Variants in FOXO1 observed in about 807,000 individuals in gnomAD.
FOXO1 encodes forkhead box protein O1.
A neutral mutation model predicts 44.1 loss-of-function variants in FOXO1; 6 were observed. That is an observed-to-expected ratio of 0.14 (90% CI 0.07 to 0.27). The LOEUF is 0.27. FOXO1 is among the 10% of genes least tolerant of loss of function. FOXO1 has a pLI of 1.00. For synonymous variants in FOXO1, 380 were observed against 362.7 expected, an observed-to-expected ratio of 1.05 and a Z score of -0.54; for missense variants, 737 against 888.8, an observed-to-expected ratio of 0.83 and a Z score of 2.17.
At chr13:40,627,848 A>G (rs1194525409) in intron 1 of FOXO1, among the ~76,000 whole-genome samples, 1 of 151,036 alleles carries the variant, frequency 6.6e-6, no homozygotes, top group Admixed American at 6.6e-5. Flanking sequence ...AAAAAAAAAC[A>G]AACAAACAAC....
chr13:40,646,322 C>T (rs1317031515), intron 1 of FOXO1, among the ~76,000 whole-genome samples: 1 of 140,056 alleles, frequency 7.1e-6, no homozygotes, highest in East Asian at 2.1e-4. Flanking sequence ...GATGGAGTCT[C>T]GCTCTGTCAT....
intron 1 of FOXO1, among the ~76,000 whole-genome samples, chr13:40,620,711 A>ATT (rs933554270): frequency 6.6e-5 from 10 of 152,112 alleles, no homozygotes; most frequent in African/African-American, 2.4e-4. Flanking sequence ...ACCCAGCCTC[A>ATT]TACCTGAAAC....
chr13:40,578,858 A>G (rs1042368307), intron 1 of FOXO1, among the ~76,000 whole-genome samples: 6 of 152,220 alleles, frequency 3.9e-5, no homozygotes, highest in African/African-American at 1.4e-4. Flanking sequence ...GATCACATGC[A>G]TGCACATGCA....
At chr13:40,616,126 C>G (rs932772079) in intron 1 of FOXO1, among the ~76,000 whole-genome samples, 1 of 152,064 alleles carries the variant, frequency 6.6e-6, no homozygotes, top group Non-Finnish European at 1.5e-5. Flanking sequence ...GCTGATAAAC[C>G]GGATGTGGGA....
At chr13:40,644,520 C>T (rs1877452851) in intron 1 of FOXO1, among the ~76,000 whole-genome samples, 1 of 152,118 alleles carries the variant, frequency 6.6e-6, no homozygotes, top group Non-Finnish European at 1.5e-5. Context: ...GAAAAAAAAT[C>T]ACAATGTTAA....
At chr13:40,577,904 T>C (rs533614656) in intron 1 of FOXO1, among the ~76,000 whole-genome samples, 1 of 152,286 alleles carries the variant, frequency 6.6e-6, no homozygotes, top group Admixed American at 6.5e-5. Context: ...CAGATATCAA[T>C]GCAAAATAAT....
intron 1 of FOXO1, among the ~76,000 whole-genome samples, chr13:40,638,738 C>T (rs1877245754): frequency 6.6e-6 from 1 of 152,102 alleles, no homozygotes; most frequent in South Asian, 2.1e-4. Flanking sequence ...TAGGAAAATA[C>T]ATGCCCACTC....
At chr13:40,662,893 C>T (rs1878081850) in intron 1 of FOXO1, among the ~76,000 whole-genome samples, 1 of 152,070 alleles carries the variant, frequency 6.6e-6, no homozygotes, top group Non-Finnish European at 1.5e-5. Context: ...ACTCTTAGAA[C>T]AGGAGTCTTT....
At position 40,571,125 on chromosome 13, in the gene FOXO1, T is replaced by C. The variant is rs546739417; in HGVS notation, c.631-10265A>G. ...GCTAATAAGGTCCCTGTGGTGGATA[T>C]CCAGAGACTAAATTTCATCTAGCTA... On this transcript the variant is annotated intron_variant, in intron 1 of 2. Coordinates refer to ENST00000379561, the MANE Select transcript of FOXO1 (RefSeq NM_002015.4). 2.0e-5 allele frequency among the ~76,000 whole-genome samples: 3 copies of C among 151,664 alleles called. No individual in the cohort carries two copies. In the South Asian group the frequency reaches 6.2e-4, roughly 32 times the overall value.
intron 1 of FOXO1, among the ~76,000 whole-genome samples, chr13:40,656,532 A>T (rs1877865028): frequency 6.6e-6 from 1 of 152,254 alleles, no homozygotes; most frequent in South Asian, 2.1e-4. Flanking sequence ...ATTCACATTA[A>T]GTCAATTACA....
At chr13:40,600,504 T>A (rs1161644316) in intron 1 of FOXO1, among the ~76,000 whole-genome samples, 1 of 152,034 alleles carries the variant, frequency 6.6e-6, no homozygotes, top group African/African-American at 2.4e-5. Flanking sequence ...CAATTAGGCA[T>A]CCAAAATTTA....
intron 1 of FOXO1, among the ~76,000 whole-genome samples, chr13:40,595,558 A>C (rs979049814): frequency 6.6e-6 from 1 of 152,222 alleles, no homozygotes; most frequent in African/African-American, 2.4e-5. Flanking sequence ...TAATGATCAA[A>C]TCAGGGTAAA....
chr13:40,603,502 C>T (rs1875887960), intron 1 of FOXO1, among the ~76,000 whole-genome samples: 1 of 151,836 alleles, frequency 6.6e-6, no homozygotes, highest in Non-Finnish European at 1.5e-5. Flanking sequence ...TAAACATTTG[C>T]CTTAAAAATA....
Position 40,559,961 on chromosome 13 carries a change from C to T in FOXO1, c.1530G>A (p.Gln510=), listed in dbSNP as rs754273701. 8 of 1,614,016 alleles carry T rather than the reference C, an allele frequency of 5.0e-6. No individual in the cohort carries two copies. The highest frequency in any genetic ancestry group is 1.3e-5 in the African/African-American group (1 of 74,900). The change falls in exon 2 of 3, where the codon CAG becomes CAA. Residue 510 remains glutamine, a synonymous_variant. Coordinates refer to ENST00000379561, the MANE Select transcript of FOXO1 (RefSeq NM_002015.4). ...GATTCATCATTTTGTTATGAGATGC[C>T]TGGCTGCCATAGGTTGACATGACCG... ...PNSVMSTYGS[Q]ASHNKMMNPS... is the part of the protein sequence containing the mutation.
chr13:40,590,904 A>G (rs1005636393), intron 1 of FOXO1, among the ~76,000 whole-genome samples: 2 of 152,198 alleles, frequency 1.3e-5, no homozygotes, highest in African/African-American at 4.8e-5. Flanking sequence ...CGAGCTGGCC[A>G]TCAAAATCCT....
In FOXO1 at chr13:40,649,196, C is replaced by T. The variant is rs921305880; in HGVS notation, c.630+16387G>A. Among the ~76,000 whole-genome samples, 20 of 152,192 alleles carry T rather than the reference C, an allele frequency of 1.3e-4. 1 individual carries two copies. Among genetic ancestry groups the T allele is most frequent in the Admixed American group, 1.2e-3 (18 of 15,272 alleles). Reference sequence around the variant, plus strand: ...GAAAGGGGTTGTCTTCATTTCAAATCCAAGGAGTGTATTCACACAGTTAAG... The same window carrying T: ...GAAAGGGGTTGTCTTCATTTCAAATTCAAGGAGTGTATTCACACAGTTAAG... On this transcript the variant is annotated intron_variant, in intron 1 of 2. Transcript: ENST00000379561.
chr13:40,629,204 G>A (rs1009699450), intron 1 of FOXO1, among the ~76,000 whole-genome samples: 38 of 151,536 alleles, frequency 2.5e-4, no homozygotes, highest in African/African-American at 8.8e-4. Context: ...GTGCAGTGGT[G>A]CAATCTCGGC....
chr13:40,623,307 T>C (rs1047333240), intron 1 of FOXO1, among the ~76,000 whole-genome samples: 2 of 152,164 alleles, frequency 1.3e-5, no homozygotes, highest in South Asian at 4.1e-4. Flanking sequence ...GTGTGGGGCA[T>C]TAGTTATTAC....
rs868724650 is a variant in FOXO1, at chr13:40,666,244, G to A, written c.-32C>T. On this transcript the variant is annotated 5_prime_UTR_variant, in exon 1 of 3. Coordinates refer to ENST00000379561, the MANE Select transcript of FOXO1 (RefSeq NM_002015.4). The stretch of plus-strand genomic sequence containing the variant: ...CCCCGCCCCTCCCCCAGCCGCAGGA[G>A]AGCCAAGAGGGGGAGAACGCAGCAC... 9.5e-6 allele frequency: 13 copies of A among 1,367,944 alleles called. No individual in the cohort carries two copies. In the South Asian group the frequency reaches 1.8e-4, roughly 19 times the overall value. 84.7% of individuals were successfully genotyped at this position (1,367,944 alleles called of 1,614,324 possible). A position where few individuals can be genotyped will look rare whatever the true frequency, so the allele number is the denominator to read the frequency against.
Sources: gnomAD v4.1 joint callset for allele counts (sites outside exome capture counted in the v4.1 genomes callset) on GRCh38, gnomAD v4.1.1 for gene constraint, MANE v1.5 for transcripts, NCBI Gene and HGNC (gene_info 2026-07-23, HGNC 2026-07-21) for gene names.